DNAI3: variants seen among roughly 807,000 people sequenced by gnomAD.
DNAI3 encodes WD repeat domain 63.
In DNAI3, 83 loss-of-function variants were observed where a neutral mutation model predicts 115.5. The ratio of observed to expected loss-of-function variants is 0.72; its 90% CI spans 0.60 to 0.86. DNAI3 has a LOEUF of 0.86. Among genes scored for constraint, DNAI3 ranks in the 40% least tolerant of loss-of-function variants. The pLI, the probability that DNAI3 is intolerant of heterozygous loss-of-function variation, is 0.00. For synonymous variants in DNAI3, 320 were observed against 347.0 expected, an observed-to-expected ratio of 0.92 and a Z score of 0.86; for missense variants, 1,004 against 1,075.8, an observed-to-expected ratio of 0.93 and a Z score of 0.93.
rs1464240568 is a variant in DNAI3 at position 85,081,558 on chromosome 1, C to T, written c.285+143C>T. 8.1e-6 allele frequency: 5 copies of T among 616,884 alleles called. No homozygotes were observed. In the East Asian group the frequency reaches 9.8e-5, roughly 12 times the overall value. The allele number at this position is 616,884 out of a possible 1,614,324, so 38.2% of individuals were successfully genotyped here. A position where few individuals can be genotyped will look rare whatever the true frequency, so the allele number is the denominator to read the frequency against. On this transcript the variant is annotated intron_variant, in intron 4 of 22. Transcript: ENST00000294664. ...AGCTTGCCCACCCCTCCTTGGGAAT[C>T]CTGTTTGATGATCCTCTGTGAAAAG... is the stretch of plus-strand genomic sequence containing the variant.
In DNAI3 at chr1:85,130,132, T is replaced by C; in HGVS notation, c.2532+20T>C. On this transcript the variant is annotated intron_variant, in intron 22 of 22. Transcript: ENST00000294664. ...AAAGTTGTAAGTTAAATTTCAGAAA[T>C]GAAAGATGTTTTCCTCGAACACCAG... is the stretch of plus-strand genomic sequence containing the variant. 6.2e-7 allele frequency: 1 copy of C among 1,612,578 alleles called. No homozygotes were observed. The highest frequency in any genetic ancestry group is 8.5e-7 in the Non-Finnish European group (1 of 1,179,424).
At chr1:85,131,376 G>A (rs1049282681) in intron 22 of DNAI3, among the ~76,000 whole-genome samples, 4 of 150,610 alleles carry the variant, frequency 2.7e-5, no homozygotes, top group Non-Finnish European at 4.4e-5. Flanking sequence ...CCTGGGAGGC[G>A]GAGGTTATGG....
At chr1:85,126,877 C>T (rs777123072) in intron 20 of DNAI3, among the ~76,000 whole-genome samples, 162 bp downstream of exon 20, 1 of 152,084 alleles carries the variant, frequency 6.6e-6, no homozygotes, top group Non-Finnish European at 1.5e-5. Context: ...TTTCATTCTT[C>T]TCTCTTCCCT....
At position 85,097,589 on chromosome 1, in the gene DNAI3, C is replaced by G. The variant is rs768061787; in HGVS notation, c.1284C>G (p.Thr428=). The G allele has an allele frequency of 6.2e-7, 1 of 1,612,282 alleles. No homozygotes were observed. Among genetic ancestry groups the G allele is most frequent in the Admixed American group, 1.7e-5 (1 of 59,788 alleles). ...TTTAGATTGTCATGTGGGATATCAC[C>G]GCACATGCAGATCGCATAGAAAACA... ...INGQIVMWDI[T]AHADRIENIK... is the part of the protein sequence containing the mutation. Residue 428 remains threonine, a synonymous_variant, in exon 12 of 23, where the codon ACC becomes ACG. Transcript: ENST00000294664.
intron 17 of DNAI3, among the ~76,000 whole-genome samples, chr1:85,118,183 A>G (rs996950092): frequency 2.0e-5 from 3 of 152,240 alleles, no homozygotes; most frequent in African/African-American, 7.2e-5. Flanking sequence ...AAGAAACTAT[A>G]GTGTTTTGTT....
chr1:85,118,981 A>G (rs1655910902), intron 17 of DNAI3, among the ~76,000 whole-genome samples: 1 of 152,162 alleles, frequency 6.6e-6, no homozygotes, highest in Non-Finnish European at 1.5e-5. Context: ...AGGTATGTCT[A>G]GAATGCCTGG....
chr1:85,118,415 G>C (rs1655896959), intron 17 of DNAI3, among the ~76,000 whole-genome samples: 1 of 152,112 alleles, frequency 6.6e-6, no homozygotes, highest in African/African-American at 2.4e-5. Flanking sequence ...CTGTAAGGTT[G>C]GTATTATTAT....
At chr1:85,113,011 T>C (rs1170644769) in intron 16 of DNAI3, among the ~76,000 whole-genome samples, 2 of 152,202 alleles carry the variant, frequency 1.3e-5, no homozygotes, top group Non-Finnish European at 2.9e-5. Context: ...TCAAGCAATC[T>C]GCCCAAATCG....
chr1:85,079,874 C>T (rs1046438699), intron 3 of DNAI3, among the ~76,000 whole-genome samples: 1 of 151,946 alleles, frequency 6.6e-6, no homozygotes, highest in African/African-American at 2.4e-5. Flanking sequence ...GAAAGGGATT[C>T]CCTACCCACT....
At chr1:85,124,643 A>G (rs940842650) in intron 19 of DNAI3, among the ~76,000 whole-genome samples, 9 of 152,174 alleles carry the variant, frequency 5.9e-5, no homozygotes, top group Admixed American at 5.9e-4. Flanking sequence ...TGATTCTCCC[A>G]TCTCAGCCTC....
In DNAI3 at chr1:85,117,047, G is replaced by A. The variant is rs143366486; in HGVS notation, c.1787-682G>A. ...TTTATGGCTTTTTGTTTCCTCTTGG[G>A]TAATATGACTCAGAGGACATATTGA... On this transcript the variant is annotated intron_variant, in intron 16 of 22. Coordinates refer to ENST00000294664, the MANE Select transcript of DNAI3 (RefSeq NM_145172.5). Among the ~76,000 whole-genome samples, 974 of 152,134 alleles carry A rather than the reference G, an allele frequency of 6.4e-3. 13 individuals are homozygous for A. Among genetic ancestry groups the A allele is most frequent in the African/African-American group, 0.023 (936 of 41,496 alleles).
intron 16 of DNAI3, among the ~76,000 whole-genome samples, chr1:85,111,443 G>A (rs546449954): frequency 2.6e-5 from 4 of 152,042 alleles, no homozygotes; most frequent in Non-Finnish European, 5.9e-5. Context: ...GTTCAGGTAC[G>A]GTGCTACTAT....
chr1:85,132,209 T>C (rs540368244), intron 22 of DNAI3, among the ~76,000 whole-genome samples: 1 of 152,366 alleles, frequency 6.6e-6, no homozygotes, highest in East Asian at 1.9e-4. Flanking sequence ...TTAAAATATT[T>C]ACAGCACTTA....
In DNAI3 at chr1:85,128,688, A is replaced by G. The variant is rs1656222562; in HGVS notation, c.2318-20A>G. 6.3e-7 allele frequency: 1 copy of G among 1,592,912 alleles called. No homozygotes were observed. Among genetic ancestry groups the G allele is most frequent in the Non-Finnish European group, 8.5e-7 (1 of 1,169,820 alleles). ...TTCTGTTTGCTGATTTTTTCCTCCC[A>G]TTTATTTTAAAATTTTCAGCTAAAC... On this transcript the variant is annotated intron_variant, in intron 20 of 22. Transcript: ENST00000294664.
chr1:85,081,284 T>A lies in DNAI3; in HGVS notation c.154T>A (p.Phe52Ile), dbSNP rs770637189. The A allele has an allele frequency of 6.2e-7, 1 of 1,603,664 alleles. No individual in the cohort carries two copies. The highest frequency in any genetic ancestry group is 8.5e-7 in the Non-Finnish European group (1 of 1,177,058). ...LVLTTKTQEI[F>I]NCRIDEDVTD... Reference sequence around the variant, plus strand: ...ATTAACCACCAAGACCCAAGAAATATTTAACTGCCGAATAGATGAAGATGT... The same window carrying A: ...ATTAACCACCAAGACCCAAGAAATAATTAACTGCCGAATAGATGAAGATGT... The change falls in exon 4 of 23, where the codon TTT becomes ATT. Residue 52 changes from phenylalanine (F) to isoleucine (I), a missense_variant. By Grantham distance (21) the Phe-to-Ile change is conservative. Coordinates refer to ENST00000294664, the MANE Select transcript of DNAI3 (RefSeq NM_145172.5).
In DNAI3 at chr1:85,130,050, C is replaced by A. The variant is rs146618100; in HGVS notation, c.2470C>A (p.Arg824Ser). 3 of 1,613,074 alleles carry A rather than the reference C, an allele frequency of 1.9e-6. No homozygotes were observed. The highest frequency in any genetic ancestry group is 1.7e-5 in the Admixed American group (1 of 59,920). ...EVKHLEYVEQ[R>S]KKIREQEKKE... ...CAAGCATCTGGAATACGTAGAACAG[C>A]GCAAAAAAATTCGTGAGCAAGAAAA... Residue 824 changes from arginine to serine, a missense_variant, in exon 22 of 23, where the codon CGC (arginine) becomes AGC (serine). By Grantham distance (110) the Arg-to-Ser change is moderately radical. Transcript: ENST00000294664.
In DNAI3 at chr1:85,117,943, G is replaced by A; in HGVS notation, c.1917+84G>A. The A allele has an allele frequency of 4.1e-6, 6 of 1,467,804 alleles. No homozygotes were observed. The Admixed American group carries it at 9.9e-5, about 24-fold the overall frequency. The allele number at this position is 1,467,804 out of a possible 1,614,324, so 90.9% of individuals were successfully genotyped here. On this transcript the variant is annotated intron_variant, in intron 17 of 22. Transcript: ENST00000294664. Reference sequence around the variant, plus strand: ...ACAATATCTACTGTACATTTTTGCTGTGTAAAGACATAAAAGTTATACCAT... The same window carrying A: ...ACAATATCTACTGTACATTTTTGCTATGTAAAGACATAAAAGTTATACCAT...
rs1396814697 is a variant in DNAI3 at position 85,117,728 on chromosome 1, G to A, written c.1787-1G>A. 2 of 1,612,998 alleles carry A rather than the reference G, an allele frequency of 1.2e-6. No individual in the cohort carries two copies. The highest frequency in any genetic ancestry group is 2.2e-5 in the South Asian group (2 of 90,946). On this transcript the variant is annotated splice_acceptor_variant, in intron 16 of 22. Coordinates refer to ENST00000294664, the MANE Select transcript of DNAI3 (RefSeq NM_145172.5). LOFTEE classifies it high-confidence loss of function. ...TTCTTCTACCCACACTCCTCTGAAA[G>A]ACAAAATGTTAGCACAGAGCAAAAC...
Position 85,086,016 on chromosome 1 carries a change from C to T in DNAI3, c.726C>T (p.Ser242=), listed in dbSNP as rs754025297. 1 of 1,613,914 alleles carries T rather than the reference C, an allele frequency of 6.2e-7. No homozygotes were observed. Residue 242 remains serine, a synonymous_variant, in exon 7 of 23, where the codon AGC becomes AGT. Transcript: ENST00000294664. ...TAATCCCCCAAATAAAGGACATAAG[C>T]ACTCAGACAAAATGGTAAGTATGTG... ...MQVIPQIKDI[S]TQTKWTYPKN...
Sources: gnomAD v4.1 joint callset for allele counts (sites outside exome capture counted in the v4.1 genomes callset) on GRCh38, gnomAD v4.1.1 for gene constraint, MANE v1.5 for transcripts, NCBI Gene and HGNC (gene_info 2026-07-23, HGNC 2026-07-21) for gene names.